SHISA9: variants seen among roughly 807,000 people sequenced by gnomAD.
The protein encoded by SHISA9 is protein shisa-9.
SHISA9 carries 13 observed loss-of-function variants against 38.0 expected under a neutral mutation model. The ratio of observed to expected loss-of-function variants is 0.34; its 90% confidence interval spans 0.22 to 0.54. SHISA9 has a LOEUF of 0.54. Ranked by LOEUF, SHISA9 falls within the 20% of genes least tolerant of loss-of-function variation. The pLI, the probability that SHISA9 is intolerant of heterozygous loss-of-function variation, is 0.91. For missense variants in SHISA9, 538 were observed against 575.8 expected (o/e 0.93, Z 0.67); for synonymous variants, 275 against 242.0 (o/e 1.14, Z -1.27).
chr16:13,248,745 T>C, the SHISA9 span, among the ~76,000 whole-genome samples: 1 of 152,242 alleles, frequency 6.6e-6, no homozygotes, highest in Non-Finnish European at 1.5e-5. Flanking sequence ...TTTTCCATTT[T>C]GTTTTTGTTG....
At chr16:13,460,009 G>A in the SHISA9 span, among the ~76,000 whole-genome samples, 1 of 152,162 alleles carries the variant, frequency 6.6e-6, no homozygotes, top group Non-Finnish European at 1.5e-5. Flanking sequence ...CCAGGCTCAA[G>A]TGATCCTCCC....
chr16:13,390,297 C>G, the SHISA9 span, among the ~76,000 whole-genome samples: 1 of 152,132 alleles, frequency 6.6e-6, no homozygotes, highest in South Asian at 2.1e-4. Context: ...CATCTAATCT[C>G]TGATCTAAAT....
At chr16:13,213,381 G>C in intron 4 of SHISA9, 81 bp downstream of exon 4, 1 of 1,333,148 alleles carries the variant, frequency 7.5e-7, no homozygotes, top group Non-Finnish European at 1.1e-6. Context: ...GAGAGTCCTG[G>C]TGTCTGTGTG....
At chr16:12,972,694 A>T (rs2072100652) in intron 2 of SHISA9, among the ~76,000 whole-genome samples, 1 of 152,218 alleles carries the variant, frequency 6.6e-6, no homozygotes, top group South Asian at 2.1e-4. Flanking sequence ...TAACTAATTC[A>T]GAGTTAAATT....
the SHISA9 span, among the ~76,000 whole-genome samples, chr16:13,428,841 C>T: frequency 6.6e-6 from 1 of 150,822 alleles, no homozygotes; most frequent in South Asian, 2.1e-4. Flanking sequence ...TGATCACTCA[C>T]TACAACCTCC....
intron 2 of SHISA9, among the ~76,000 whole-genome samples, chr16:12,980,735 T>C (rs2072229590): frequency 6.6e-6 from 1 of 152,086 alleles, no homozygotes; most frequent in Non-Finnish European, 1.5e-5. Context: ...ACCTTTAATT[T>C]TTTTTCTATT....
downstream of SHISA9, among the ~76,000 whole-genome samples, chr16:13,242,477 T>C (rs2051442535): frequency 6.6e-6 from 1 of 152,170 alleles, no homozygotes; most frequent in Non-Finnish European, 1.5e-5. Context: ...CCAAGGACTA[T>C]GAGATGCAGA....
chr16:13,482,762 C>T, the SHISA9 span, among the ~76,000 whole-genome samples: 2 of 147,804 alleles, frequency 1.4e-5, no homozygotes, highest in African/African-American at 5.0e-5. Flanking sequence ...TTTCATGCCA[C>T]TGCATTCCAG....
intron 2 of SHISA9, among the ~76,000 whole-genome samples, chr16:12,980,801 A>C (rs1277408848): frequency 6.6e-6 from 1 of 151,726 alleles, no homozygotes; most frequent in African/African-American, 2.4e-5. Flanking sequence ...CTTCCAGTTG[A>C]TTAATTCATT....
chr16:13,388,674 T>C, the SHISA9 span, among the ~76,000 whole-genome samples: 1 of 152,154 alleles, frequency 6.6e-6, no homozygotes, highest in South Asian at 2.1e-4. Context: ...CTTTCAGGGC[T>C]TATTGGTAGC....
intron 2 of SHISA9, among the ~76,000 whole-genome samples, chr16:12,961,389 T>A (rs929491010): frequency 2.0e-5 from 3 of 152,086 alleles, no homozygotes; most frequent in African/African-American, 7.2e-5. Context: ...TGGAAGGAAT[T>A]TGAGCCAGAG....
chr16:13,376,502 C>A, the SHISA9 span, among the ~76,000 whole-genome samples: 1 of 152,160 alleles, frequency 6.6e-6, no homozygotes, highest in African/African-American at 2.4e-5. Flanking sequence ...TCAGCTTTTA[C>A]CTCTATAACC....
chr16:13,366,781 G>T, the SHISA9 span, among the ~76,000 whole-genome samples: 6 of 152,208 alleles, frequency 3.9e-5, no homozygotes, highest in East Asian at 1.2e-3. Context: ...ATGGTCAGTT[G>T]AGACCAGCCT....
At chr16:13,426,115 A>C in the SHISA9 span, among the ~76,000 whole-genome samples, 1 of 152,174 alleles carries the variant, frequency 6.6e-6, no homozygotes, top group Non-Finnish European at 1.5e-5. Context: ...TTCACAGTTC[A>C]AAGGCTTCTG....
intron 2 of SHISA9, among the ~76,000 whole-genome samples, chr16:13,086,477 A>G (rs1320750592): frequency 1.3e-5 from 2 of 152,004 alleles, no homozygotes; most frequent in African/African-American, 2.4e-5. Flanking sequence ...GACAGATGTG[A>G]GGAAATTAGG....
chr16:13,188,030 T>C (rs1044507072), intron 2 of SHISA9, among the ~76,000 whole-genome samples: 1 of 152,172 alleles, frequency 6.6e-6, no homozygotes, highest in Non-Finnish European at 1.5e-5. Flanking sequence ...ACCTGATCAA[T>C]GTAGTATCTT....
intron 4 of SHISA9, among the ~76,000 whole-genome samples, chr16:13,223,051 C>T (rs961856671): frequency 1.3e-5 from 2 of 152,074 alleles, no homozygotes; most frequent in Non-Finnish European, 2.9e-5. Context: ...ATAGGTGAAG[C>T]TTAGAGATTT....
the SHISA9 span, among the ~76,000 whole-genome samples, chr16:13,334,773 CAAAA>C: frequency 1.0e-5 from 1 of 97,670 alleles, no homozygotes; most frequent in Non-Finnish European, 2.0e-5. Flanking sequence ...GACTCCATCT[CAAAA>C]AAAAAAAAAA....
chr16:13,432,157 T>C, the SHISA9 span, among the ~76,000 whole-genome samples: 2 of 152,218 alleles, frequency 1.3e-5, no homozygotes, highest in Non-Finnish European at 2.9e-5. Flanking sequence ...TAGGCTATAA[T>C]CTCTGATAGG....
Sources: allele counts gnomAD v4.1 joint callset (sites outside exome capture counted in the v4.1 genomes callset), GRCh38; gene constraint gnomAD v4.1.1; transcripts MANE v1.5; gene names NCBI Gene and HGNC (gene_info 2026-07-23, HGNC 2026-07-21).